SIPA1L1: variants seen among roughly 807,000 people sequenced by gnomAD.
SIPA1L1 encodes signal induced proliferation associated 1 like 1.
A neutral mutation model predicts 162.7 loss-of-function variants in SIPA1L1; 26 were observed. The observed-to-expected ratio is 0.16, with a 90% CI of 0.12 to 0.22. The LOEUF is 0.22. Among genes scored for constraint, SIPA1L1 ranks in the 10% least tolerant of loss-of-function variants. The probability of loss-of-function intolerance (pLI) is 1.00; values close to 1 mark genes in which losing one functional copy is unlikely to be tolerated. For missense variants in SIPA1L1, 1,874 were observed against 2,241.0 expected, an observed-to-expected ratio of 0.84 and a Z score of 3.31; for synonymous variants, 829 against 837.4, an observed-to-expected ratio of 0.99 and a Z score of 0.17.
At chr14:71,616,724 A>G (rs4899398) in intron 5 of SIPA1L1, among the ~76,000 whole-genome samples, 127,381 of 152,144 alleles carry the variant, frequency 0.84, 53,936 homozygotes, top group African/African-American at 0.95. Context: ...CATTTGCCAA[A>G]ATTGAGGAGA....
At chr14:71,504,748 A>G (rs935140651) in intron 2 of SIPA1L1, among the ~76,000 whole-genome samples, 3 of 152,192 alleles carry the variant, frequency 2.0e-5, no homozygotes, top group African/African-American at 7.2e-5. Flanking sequence ...TGAATTTTAG[A>G]TCCATTCCAA....
intron 2 of SIPA1L1, among the ~76,000 whole-genome samples, chr14:71,386,098 A>T (rs2040300772): frequency 1.3e-5 from 2 of 152,120 alleles, no homozygotes; most frequent in Admixed American, 1.3e-4. Flanking sequence ...ACTGCCTGTC[A>T]TATTGGACAG....
intron 4 of SIPA1L1, among the ~76,000 whole-genome samples, chr14:71,548,430 G>A (rs1596048717): frequency 6.6e-6 from 1 of 152,024 alleles, no homozygotes; most frequent in African/African-American, 2.4e-5. Context: ...GAGGAGTGTG[G>A]TGATCATATT....
At chr14:71,721,731 G>T (rs2150181458) in intron 17 of SIPA1L1, among the ~76,000 whole-genome samples, 1 of 152,302 alleles carries the variant, frequency 6.6e-6, no homozygotes, top group Non-Finnish European at 1.5e-5. Context: ...GGAGTTGGAG[G>T]ACTGGTGGTG....
chr14:71,671,545 C>A lies in SIPA1L1; in HGVS notation c.2682C>A (p.Ser894Arg), dbSNP rs759321256. The change falls in exon 11 of 24, where the codon AGC (serine) becomes AGA (arginine). Residue 894 changes from serine (S) to arginine (R), a missense_variant. Physicochemically the swap from Ser to Arg is moderately radical, Grantham distance 110. Transcript: ENST00000381232. ...TGCTCATTGAACAGGAAACAAAGAGCGTGGTCTTCAATTGTTCCTGTAGAG... is the reference window on the plus strand; with the variant it reads ...TGCTCATTGAACAGGAAACAAAGAGAGTGGTCTTCAATTGTTCCTGTAGAG... ...FIVLIEQETK[S>R]VVFNCSCRDV... 6.2e-7 allele frequency: 1 copy of A among 1,614,164 alleles called. No homozygotes were observed. Among genetic ancestry groups the A allele is most frequent in the Non-Finnish European group, 8.5e-7 (1 of 1,180,042 alleles).
intron 15 of SIPA1L1, 44 bp downstream of exon 15, chr14:71,702,549 T>C (rs911426579): frequency 6.3e-7 from 1 of 1,589,310 alleles, no homozygotes; most frequent in Non-Finnish European, 8.6e-7. Flanking sequence ...TTTTACAAGG[T>C]GACTTAGGTC....
intron 12 of SIPA1L1, among the ~76,000 whole-genome samples, chr14:71,677,664 A>C (rs1017353574): frequency 6.6e-6 from 1 of 152,218 alleles, no homozygotes; most frequent in Non-Finnish European, 1.5e-5. Flanking sequence ...GGTGTAAGGA[A>C]GGGATCCAGT....
intron 5 of SIPA1L1, among the ~76,000 whole-genome samples, chr14:71,591,009 A>G (rs555184769): frequency 1.2e-3 from 180 of 152,230 alleles, no homozygotes; most frequent in African/African-American, 4.1e-3. Context: ...CCCCTGCTTT[A>G]CTGTACCTGT....
At chr14:71,331,390 G>T (rs2140283218) in intron 2 of SIPA1L1, among the ~76,000 whole-genome samples, 1 of 152,304 alleles carries the variant, frequency 6.6e-6, no homozygotes, top group South Asian at 2.1e-4. Flanking sequence ...ACAATTCAAA[G>T]AATTTTTCCT....
chr14:71,487,865 G>A (rs1042229480), intron 2 of SIPA1L1, among the ~76,000 whole-genome samples: 11 of 152,182 alleles, frequency 7.2e-5, no homozygotes, highest in African/African-American at 2.7e-4. Context: ...TTTAACACTT[G>A]AATATCTGCT....
Position 71,544,192 on chromosome 14 carries a change from C to CAT in SIPA1L1, c.-303+14825_-303+14826dup, listed in dbSNP as rs565708844. On this transcript the variant is annotated intron_variant, in intron 4 of 23. Transcript: ENST00000381232. ...ATATATGCACGTGTGTGTATATATA[C>CAT]ATATGCATGTATGCACATGCATGTG... Among the ~76,000 whole-genome samples the CAT allele has an allele frequency of 1.0e-4, 15 of 150,644 alleles. No homozygotes were observed. In the East Asian group the frequency reaches 2.5e-3, roughly 26 times the overall value.
intron 4 of SIPA1L1, among the ~76,000 whole-genome samples, chr14:71,531,925 C>T (rs2053481110): frequency 6.6e-6 from 1 of 152,116 alleles, no homozygotes; most frequent in African/African-American, 2.4e-5. Context: ...ACTGAATAGT[C>T]AGTTCCATTC....
At chr14:71,735,448 G>A in intron 22 of SIPA1L1, 57 bp downstream of exon 22, 1 of 1,189,174 alleles carries the variant, frequency 8.4e-7, no homozygotes, top group Non-Finnish European at 1.3e-6. Flanking sequence ...GCCACTGACT[G>A]CATCTGTGGG....
intron 19 of SIPA1L1, 92 bp downstream of exon 19, chr14:71,724,927 G>A (rs370929013): frequency 3.5e-6 from 4 of 1,130,702 alleles, no homozygotes; most frequent in South Asian, 1.5e-5. Flanking sequence ...GAAAGTGTTG[G>A]TTACTGGCTG....
intron 4 of SIPA1L1, among the ~76,000 whole-genome samples, chr14:71,585,143 AAGGG>A (rs1028567539): frequency 5.7e-5 from 8 of 141,382 alleles, no homozygotes; most frequent in African/African-American, 1.5e-4. Context: ...AGAATGAGAA[AAGGG>A]AGGGAGGGAG....
Position 71,698,960 on chromosome 14 carries a change from GTTTTTGTA to G in SIPA1L1, c.3375-18_3375-11del. ...TTTCCCTTTGAATTGTTGACTTCAT[GTTTTTGTA>G]TTGCACATGCAGGCTGTCTCCTGGT... On this transcript the variant is annotated splice_polypyrimidine_tract_variant and intron_variant, in intron 13 of 23. Transcript: ENST00000381232. The G allele has an allele frequency of 6.2e-7, 1 of 1,613,978 alleles. No homozygotes were observed. The highest frequency in any genetic ancestry group is 8.5e-7 in the Non-Finnish European group (1 of 1,179,844).
intron 4 of SIPA1L1, among the ~76,000 whole-genome samples, chr14:71,562,870 G>T (rs541018118): frequency 1.3e-5 from 2 of 152,290 alleles, no homozygotes; most frequent in South Asian, 2.1e-4. Context: ...GGTGAGGCTG[G>T]TCTTGAGCTC....
intron 4 of SIPA1L1, among the ~76,000 whole-genome samples, chr14:71,566,687 C>T (rs2030672546): frequency 1.3e-5 from 2 of 152,102 alleles, no homozygotes; most frequent in Non-Finnish European, 1.5e-5. Context: ...CCTGTAAATT[C>T]TAGATGAATT....
rs753480716 is a variant in SIPA1L1 at position 71,624,249 on chromosome 14, T to G, written c.1818+13T>G. The G allele has an allele frequency of 6.3e-7, 1 of 1,597,354 alleles. No individual in the cohort carries two copies. The highest frequency in any genetic ancestry group is 8.6e-7 in the Non-Finnish European group (1 of 1,169,072). On this transcript the variant is annotated intron_variant, in intron 7 of 23. Coordinates refer to ENST00000381232, the MANE Select transcript of SIPA1L1 (RefSeq NM_001386936.1). Reference sequence around the variant, plus strand: ...GGATGAACAAGGGGTGAGTTTGCCTTTCTGAGGAGAGCATTCTTGCTCAGG... The same window carrying G: ...GGATGAACAAGGGGTGAGTTTGCCTGTCTGAGGAGAGCATTCTTGCTCAGG...
Sources: allele counts gnomAD v4.1 joint callset (sites outside exome capture counted in the v4.1 genomes callset), GRCh38; gene constraint gnomAD v4.1.1; transcripts MANE v1.5; gene names NCBI Gene and HGNC (gene_info 2026-07-23, HGNC 2026-07-21).